ZFHX3: variants seen among roughly 807,000 people sequenced by gnomAD.
ZFHX3 encodes zinc finger homeobox protein 3.
Under a neutral mutation model 279.1 loss-of-function variants are expected in ZFHX3, and 42 were observed. The observed-to-expected ratio is 0.15, with a 90% CI of 0.12 to 0.19. The LOEUF is 0.19. ZFHX3 is among the 10% of genes least tolerant of loss of function. The pLI, the probability that ZFHX3 is intolerant of heterozygous loss-of-function variation, is 1.00. For synonymous variants in ZFHX3, 2,293 were observed against 1,957.8 expected (o/e 1.17, Z -4.52); for missense variants, 4,981 against 4,754.0 (o/e 1.05, Z -1.40).
intron 2 of ZFHX3, among the ~76,000 whole-genome samples, chr16:73,533,552 G>A (rs571922434): frequency 2.6e-5 from 4 of 151,938 alleles, no homozygotes; most frequent in African/African-American, 9.7e-5. Context: ...GTCCCAAGGA[G>A]TCCCAGATTT....
intron 5 of ZFHX3, among the ~76,000 whole-genome samples, chr16:73,168,256 T>TTTCTTTCTTTCTTTCTTTCC (rs1967436299): frequency 1.3e-5 from 2 of 149,558 alleles, no homozygotes; most frequent in African/African-American, 5.0e-5. Context: ...TCTTTCTTTC[T>TTTCTTTCTTTCTTTCTTTCC]TTCTTTCTTT....
At chr16:72,879,858 C>T (rs766564072) in intron 4 of ZFHX3, among the ~76,000 whole-genome samples, 9 of 152,276 alleles carry the variant, frequency 5.9e-5, no homozygotes, top group African/African-American at 1.4e-4. Context: ...CCTTCCTCCA[C>T]GTGGCCGGCT....
intron 4 of ZFHX3, among the ~76,000 whole-genome samples, chr16:72,878,109 G>A (rs2038363300): frequency 6.6e-6 from 1 of 152,130 alleles, no homozygotes; most frequent in Non-Finnish European, 1.5e-5. Context: ...CTTGAGCCCA[G>A]GAGATGGAGG....
intron 7 of ZFHX3, chr16:73,126,671 A>G (rs1029750054): frequency 2.0e-5 from 3 of 152,358 alleles, no homozygotes; most frequent in African/African-American, 7.2e-5. Flanking sequence ...TTGCAATATC[A>G]GCTCCTGGTA....
rs140906889 is a variant in ZFHX3 at position 73,743,777 on chromosome 16, G to T, written c.-1607-63537C>A. The stretch of plus-strand genomic sequence containing the variant: ...ATTACACTTACCATTGGTATTCCAC[G>T]CTGTCACCTGGAAAGAAATGATGGA... On this transcript the variant is annotated intron_variant, in intron 1 of 17. Transcript: ENST00000641206. Among the ~76,000 whole-genome samples the T allele has an allele frequency of 4.5e-3, 690 of 152,054 alleles. 27 individuals are homozygous for T. Among genetic ancestry groups the T allele is most frequent in the Admixed American group, 0.038 (587 of 15,274 alleles).
chr16:73,007,520 C>T (rs1394146637), intron 1 of ZFHX3, among the ~76,000 whole-genome samples: 5 of 152,112 alleles, frequency 3.3e-5, no homozygotes, highest in African/African-American at 1.2e-4. Flanking sequence ...GATCTCGGCT[C>T]ACTACAATCT....
chr16:73,183,584 G>C (rs1406133786), intron 5 of ZFHX3, among the ~76,000 whole-genome samples: 1 of 152,202 alleles, frequency 6.6e-6, no homozygotes, highest in Non-Finnish European at 1.5e-5. Flanking sequence ...CTCTCCATCA[G>C]CCTCTGGAGA....
chr16:73,802,819 C>A (rs1284232448), intron 1 of ZFHX3, among the ~76,000 whole-genome samples: 1 of 152,108 alleles, frequency 6.6e-6, no homozygotes, highest in East Asian at 1.9e-4. Flanking sequence ...ATTATGATTT[C>A]TTTTTGTTTT....
At chr16:73,654,816 A>G (rs1468012862) in intron 2 of ZFHX3, among the ~76,000 whole-genome samples, 1 of 151,844 alleles carries the variant, frequency 6.6e-6, no homozygotes, top group Non-Finnish European at 1.5e-5. Flanking sequence ...TTTTTTAAAA[A>G]AACAATAGGT....
intron 2 of ZFHX3, among the ~76,000 whole-genome samples, chr16:73,633,775 G>A (rs2052500152): frequency 6.6e-6 from 1 of 152,110 alleles, no homozygotes; most frequent in Non-Finnish European, 1.5e-5. Context: ...GCACATGCCT[G>A]TAATCCCAGA....
rs181054801 is a variant in ZFHX3, at chr16:72,797,252, G to T, written c.5430C>A (p.Asn1810Lys). ...TGGTCACTGGCAAGCTCACCTCGGG[G>T]TTAAGCTGGAACTCAGCACTGGGGA... Reference protein sequence around the residue: ...FYIPSAEFQLNPEVSLPVTSG... With the variant: ...FYIPSAEFQLKPEVSLPVTSG... Residue 1810 changes from asparagine (N) to lysine (K), a missense_variant, in exon 9 of 10, where the codon AAC (asparagine) becomes AAA (lysine). By Grantham distance (94) the Asn-to-Lys change is moderately conservative. Coordinates refer to ENST00000268489, the MANE Select transcript of ZFHX3 (RefSeq NM_006885.4). 385 of 1,613,664 alleles carry T rather than the reference G, an allele frequency of 2.4e-4. 1 individual carries two copies. Among genetic ancestry groups the T allele is most frequent in the Non-Finnish European group, 2.7e-4 (324 of 1,179,774 alleles).
At chr16:73,192,276 G>C (rs1968058002) in intron 5 of ZFHX3, among the ~76,000 whole-genome samples, 1 of 152,132 alleles carries the variant, frequency 6.6e-6, no homozygotes, top group Admixed American at 6.6e-5. Flanking sequence ...CTTCTCTTAG[G>C]ACCTTGGAAT....
chr16:73,373,932 A>G lies in ZFHX3; in HGVS notation c.-1290-55596T>C, dbSNP rs78882000. ...ATGCTGCTAAAATAAATGCTATGTT[A>G]TTGCACATGAGATTGACAGGATCTG... On this transcript the variant is annotated intron_variant, in intron 3 of 17. Coordinates refer to the ZFHX3 transcript ENST00000641206. 8.8e-4 allele frequency among the ~76,000 whole-genome samples: 134 copies of G among 152,380 alleles called. 1 individual carries two copies. In the East Asian group the frequency reaches 0.018, roughly 20 times the overall value.
chr16:73,303,642 A>G (rs1258552833), intron 4 of ZFHX3, among the ~76,000 whole-genome samples: 4 of 152,256 alleles, frequency 2.6e-5, no homozygotes. Flanking sequence ...CAAACCAAAA[A>G]CCTACCTTCC....
rs1210704569 is a variant in ZFHX3 at position 73,814,593 on chromosome 16, G to A, written c.-1608+77058C>T. Among the ~76,000 whole-genome samples, 4 of 148,928 alleles carry A rather than the reference G, an allele frequency of 2.7e-5. No individual in the cohort carries two copies. In the East Asian group the frequency reaches 7.9e-4, roughly 29 times the overall value. ...CTTTTTTTTTTTTTTTTGAGATGGA[G>A]TTTCGCTCTTGTTGCCCAGGCTGGA... On this transcript the variant is annotated intron_variant, in intron 1 of 17. Transcript: ENST00000641206.
chr16:73,075,131 A>G (rs1049476225), intron 8 of ZFHX3, among the ~76,000 whole-genome samples: 1 of 152,164 alleles, frequency 6.6e-6, no homozygotes, highest in Non-Finnish European at 1.5e-5. Context: ...GTTTTAAAGC[A>G]TAATTACTCT....
chr16:72,783,399 TTTAA>T lies in ZFHX3; in HGVS notation c.*3761_*3764del, dbSNP rs1046812593. The T allele has an allele frequency of 2.8e-4, 43 of 152,680 alleles. No homozygotes were observed. Among genetic ancestry groups the T allele is most frequent in the African/African-American group, 8.7e-4 (36 of 41,546 alleles). The allele number at this position is 152,680 out of a possible 1,614,324, so 9.5% of individuals were successfully genotyped here. ...CAATTTATGCTTCTATTTAAAATGT[TTTAA>T]TTTATTATTTAAAAAAAATATATGT... On this transcript the variant is annotated 3_prime_UTR_variant, in exon 10 of 10. Transcript: ENST00000268489.
chr16:73,185,008 G>T lies in ZFHX3; in HGVS notation c.-1103-41177C>A, dbSNP rs559435627. Among the ~76,000 whole-genome samples the T allele has an allele frequency of 2.0e-5, 3 of 149,682 alleles. 1 individual carries two copies. Among genetic ancestry groups the T allele is most frequent in the Admixed American group, 2.0e-4 (3 of 14,986 alleles). ...CTTTTTTTTTTTTTTCTGAGACAGCGTCTCAGTCACCCAGGCTGGAGTGTA... is the reference window on the plus strand; with the variant it reads ...CTTTTTTTTTTTTTTCTGAGACAGCTTCTCAGTCACCCAGGCTGGAGTGTA... On this transcript the variant is annotated intron_variant, in intron 5 of 17. Coordinates refer to the ZFHX3 transcript ENST00000641206.
At chr16:72,895,994 G>C (rs192548417) in intron 3 of ZFHX3, among the ~76,000 whole-genome samples, 4 of 152,196 alleles carry the variant, frequency 2.6e-5, no homozygotes, top group African/African-American at 9.7e-5. Context: ...ATCTATGCTT[G>C]GCAATTGAAT....
Sources: allele counts gnomAD v4.1 joint callset (sites outside exome capture counted in the v4.1 genomes callset), GRCh38; gene constraint gnomAD v4.1.1; transcripts MANE v1.5; gene names NCBI Gene and HGNC (gene_info 2026-07-23, HGNC 2026-07-21).